The following EYS variants were observed in gnomAD, a reference collection of about 807,000 sequenced individuals.
EYS encodes the protein EGF-like photoreceptor maintenance factor, also known as protein eyes shut homolog.
EYS carries 250 observed loss-of-function variants against 282.1 expected under a neutral mutation model. The ratio of observed to expected loss-of-function variants is 0.89; its 90% CI spans 0.80 to 0.98. The LOEUF (loss-of-function observed/expected upper bound fraction) is 0.98, where lower values mean the gene tolerates loss of function less well. Ranked by LOEUF, EYS falls within the 50% of genes least tolerant of loss-of-function variation. The pLI, the probability that EYS is intolerant of heterozygous loss-of-function variation, is 0.00. For synonymous variants in EYS, 1,355 were observed against 1,282.9 expected (o/e 1.06, Z -1.20); for missense variants, 4,016 against 3,709.0 (o/e 1.08, Z -2.15).
At chr6:64,014,858 C>T (rs1768816235) in intron 33 of EYS, among the ~76,000 whole-genome samples, 1 of 151,698 alleles carries the variant, frequency 6.6e-6, no homozygotes, top group Admixed American at 6.6e-5. Context: ...CTTTGTCAAA[C>T]ATGACTCCCC....
At chr6:64,148,731 C>G (rs1403883707) in intron 31 of EYS, among the ~76,000 whole-genome samples, 1 of 152,024 alleles carries the variant, frequency 6.6e-6, no homozygotes, top group Non-Finnish European at 1.5e-5. Flanking sequence ...TACCAGGGAT[C>G]TCTGAAAAAA....
At chr6:65,621,393 T>G (rs1766487200) in intron 2 of EYS, among the ~76,000 whole-genome samples, 2 of 151,576 alleles carry the variant, frequency 1.3e-5, no homozygotes, top group South Asian at 4.2e-4. Context: ...TTTTTTTGTT[T>G]TCCATTGGCT....
intron 29 of EYS, among the ~76,000 whole-genome samples, chr6:64,332,136 A>G (rs748976217): frequency 6.6e-6 from 1 of 152,158 alleles, no homozygotes; most frequent in Non-Finnish European, 1.5e-5. Flanking sequence ...AACAGCTGTT[A>G]AAGAAGTTTT....
chr6:64,241,625 A>T (rs1424956132), intron 30 of EYS, among the ~76,000 whole-genome samples: 1 of 151,672 alleles, frequency 6.6e-6, no homozygotes, highest in South Asian at 2.1e-4. Context: ...CAAAAAAAAC[A>T]GCTCCTGGAT....
At chr6:64,786,044 G>GT (rs1365891872) in intron 22 of EYS, among the ~76,000 whole-genome samples, 2 of 152,096 alleles carry the variant, frequency 1.3e-5, no homozygotes, top group Non-Finnish European at 2.9e-5. Context: ...GTAAATAATC[G>GT]TAACTGTGCA....
chr6:65,119,630 C>CTTTTTTTTTTTTTTTTTT (rs3036008), intron 12 of EYS, among the ~76,000 whole-genome samples: 2 of 135,336 alleles, frequency 1.5e-5, no homozygotes, highest in Non-Finnish European at 3.1e-5. Context: ...GCCTTTTTAT[C>CTTTTTTTTTTTTTTTTTT]TTTTTTTTTT....
intron 33 of EYS, among the ~76,000 whole-genome samples, chr6:63,999,887 G>A (rs991385743): frequency 2.0e-5 from 3 of 152,166 alleles, no homozygotes; most frequent in African/African-American, 7.2e-5. Context: ...CTTATTTAGA[G>A]TTTTAAAGAA....
chr6:64,047,570 A>G (rs189902042), intron 33 of EYS, among the ~76,000 whole-genome samples: 3 of 152,370 alleles, frequency 2.0e-5, no homozygotes, highest in African/African-American at 4.8e-5. Context: ...GTTTAATCAC[A>G]TAAGTCTCAA....
chr6:64,338,042 T>G (rs1004700853), intron 29 of EYS, among the ~76,000 whole-genome samples: 3 of 151,940 alleles, frequency 2.0e-5, no homozygotes, highest in African/African-American at 7.2e-5. Context: ...GGGGAAAAGT[T>G]GAAAACATTC....
chr6:64,533,644 A>G (rs1764425157), intron 26 of EYS, among the ~76,000 whole-genome samples: 1 of 152,044 alleles, frequency 6.6e-6, no homozygotes, highest in African/African-American at 2.4e-5. Context: ...ATAAAAGCTG[A>G]GATAATTTGT....
At chr6:64,321,838 T>G (rs1231787227) in intron 29 of EYS, among the ~76,000 whole-genome samples, 2 of 151,916 alleles carry the variant, frequency 1.3e-5, no homozygotes, top group Non-Finnish European at 2.9e-5. Context: ...ATAAATATCT[T>G]AAATGTGGGA....
intron 11 of EYS, chr6:65,332,371 C>T (rs902494339): frequency 2.1e-6 from 2 of 972,332 alleles, no homozygotes; most frequent in Admixed American, 2.0e-5. Context: ...ATAAACCTTT[C>T]TATATGTTGC....
intron 36 of EYS, among the ~76,000 whole-genome samples, chr6:63,842,879 C>T (rs1377055493): frequency 6.6e-6 from 1 of 152,108 alleles, no homozygotes; most frequent in Non-Finnish European, 1.5e-5. Context: ...TTCCCCATTG[C>T]TTGTTTGTGT....
intron 42 of EYS, among the ~76,000 whole-genome samples, chr6:63,723,059 G>A (rs972437920): frequency 1.3e-5 from 2 of 152,136 alleles, no homozygotes; most frequent in Admixed American, 6.6e-5. Context: ...ATAAATAGAT[G>A]CTAAATAATT....
chr6:65,468,070 T>A (rs1358688595), intron 5 of EYS, among the ~76,000 whole-genome samples: 21 of 152,108 alleles, frequency 1.4e-4, no homozygotes, highest in Admixed American at 1.4e-3. Context: ...CTGTTGGGTT[T>A]ATACCAGAGA....
chr6:65,266,378 T>A (rs970766501), intron 12 of EYS, among the ~76,000 whole-genome samples: 1 of 151,870 alleles, frequency 6.6e-6, no homozygotes, highest in African/African-American at 2.4e-5. Flanking sequence ...AGACTATAAA[T>A]CTATGAAGGC....
intron 35 of EYS, among the ~76,000 whole-genome samples, chr6:63,954,578 G>A (rs907095481): frequency 1.3e-5 from 2 of 152,150 alleles, no homozygotes; most frequent in Admixed American, 1.3e-4. Context: ...GTCATTCACT[G>A]CAAGGGCCAT....
At chr6:64,713,174 G>A (rs1373458896) in intron 22 of EYS, 1 of 152,106 alleles carries the variant, frequency 6.6e-6, no homozygotes, top group Non-Finnish European at 1.5e-5. Flanking sequence ...TAAAATCAAG[G>A]CAATAAATAT....
intron 8 of EYS, among the ~76,000 whole-genome samples, chr6:65,360,522 G>C (rs1321114459): frequency 6.6e-6 from 1 of 152,018 alleles, no homozygotes; most frequent in African/African-American, 2.4e-5. Flanking sequence ...GATTTTAACA[G>C]AAAATTCTCA....
Sources: allele counts gnomAD v4.1 joint callset (sites outside exome capture counted in the v4.1 genomes callset), GRCh38; gene constraint gnomAD v4.1.1; transcripts MANE v1.5; gene names NCBI Gene and HGNC (gene_info 2026-07-23, HGNC 2026-07-21).